SNTG1: variants seen among roughly 807,000 people sequenced by gnomAD.
SNTG1 encodes syntrophin gamma 1.
In SNTG1, 39 loss-of-function variants were observed where a neutral mutation model predicts 74.7. That is an observed-to-expected ratio of 0.52 (90% CI 0.40 to 0.68). The LOEUF is 0.68. SNTG1 is among the 30% of genes least tolerant of loss of function. The probability of loss-of-function intolerance (pLI) is 0.00; values close to 1 mark genes in which losing one functional copy is unlikely to be tolerated. For synonymous variants in SNTG1, 254 were observed against 217.1 expected, an observed-to-expected ratio of 1.17 and a Z score of -1.49; for missense variants, 685 against 609.5, an observed-to-expected ratio of 1.12 and a Z score of -1.30.
intron 2 of SNTG1, among the ~76,000 whole-genome samples, chr8:50,211,838 C>T (rs114688783): frequency 0.017 from 2,572 of 152,176 alleles, 65 homozygotes; most frequent in African/African-American, 0.052. Flanking sequence ...AAGTTATTTT[C>T]CTGTTATTCT....
At chr8:50,099,058 A>G (rs892082209) in intron 1 of SNTG1, among the ~76,000 whole-genome samples, 1 of 152,088 alleles carries the variant, frequency 6.6e-6, no homozygotes, top group African/African-American at 2.4e-5. Context: ...AAAACTATTT[A>G]AAAGCACCTC....
intron 2 of SNTG1, among the ~76,000 whole-genome samples, chr8:50,316,149 CA>C (rs1287747656): frequency 1.3e-5 from 2 of 151,992 alleles, no homozygotes; most frequent in Non-Finnish European, 2.9e-5. Flanking sequence ...GTGATCAATT[CA>C]AAACATTTAA....
intron 2 of SNTG1, among the ~76,000 whole-genome samples, chr8:50,198,309 G>A (rs1049462941): frequency 6.6e-6 from 1 of 152,204 alleles, no homozygotes; most frequent in African/African-American, 2.4e-5. Flanking sequence ...GCCCTTTGGC[G>A]ACTTGTCCTG....
At chr8:49,992,139 T>G (rs1019606349) in intron 1 of SNTG1, among the ~76,000 whole-genome samples, 2 of 152,218 alleles carry the variant, frequency 1.3e-5, no homozygotes, top group South Asian at 2.1e-4. Context: ...TTTGGAGCTA[T>G]GTAACATAGA....
At chr8:50,465,668 T>C (rs968597324) in intron 8 of SNTG1, among the ~76,000 whole-genome samples, 57 of 152,202 alleles carry the variant, frequency 3.7e-4, no homozygotes, top group African/African-American at 1.3e-3. Flanking sequence ...TAGTTTTTCC[T>C]TTAACAGAAT....
chr8:50,686,861 C>T (rs1185293492), intron 15 of SNTG1, among the ~76,000 whole-genome samples: 4 of 152,162 alleles, frequency 2.6e-5, no homozygotes, highest in South Asian at 2.1e-4. Flanking sequence ...AAGGGCCGGG[C>T]GCGGTGGCTC....
At chr8:50,140,629 G>A (rs1258326651) in intron 1 of SNTG1, among the ~76,000 whole-genome samples, 1 of 152,072 alleles carries the variant, frequency 6.6e-6, no homozygotes, top group Non-Finnish European at 1.5e-5. Context: ...GGGTGTGAGT[G>A]TGTTTTTGAG....
intron 15 of SNTG1, among the ~76,000 whole-genome samples, chr8:50,701,781 C>CTTT (rs1563761925): frequency 1.8e-4 from 26 of 144,152 alleles, no homozygotes; most frequent in African/African-American, 6.3e-4. Context: ...TCTTTCTCTT[C>CTTT]CTCTTCCTCC....
intron 8 of SNTG1, among the ~76,000 whole-genome samples, chr8:50,501,816 C>A (rs1167232790): frequency 6.6e-6 from 1 of 151,904 alleles, no homozygotes; most frequent in African/African-American, 2.4e-5. Flanking sequence ...GTAGCCAATT[C>A]TTTAATTGCG....
intron 17 of SNTG1, among the ~76,000 whole-genome samples, chr8:50,717,474 C>A (rs1192446009): frequency 6.6e-6 from 1 of 152,158 alleles, no homozygotes; most frequent in Non-Finnish European, 1.5e-5. Context: ...AATGAGATAG[C>A]ATGTTAAAAA....
intron 15 of SNTG1, among the ~76,000 whole-genome samples, chr8:50,684,740 C>CTTTTTTTTTTTTTTTCT (rs71235319): frequency 7.4e-6 from 1 of 135,130 alleles, no homozygotes; most frequent in Non-Finnish European, 1.6e-5. Flanking sequence ...TTTTTTTTTT[C>CTTTTTTTTTTTTTTTCT]TTTTTTTTTA....
intron 1 of SNTG1, among the ~76,000 whole-genome samples, chr8:50,137,993 TG>T: frequency 6.6e-6 from 1 of 152,180 alleles, no homozygotes; most frequent in Non-Finnish European, 1.5e-5. Context: ...CCATTAATTA[TG>T]GGATCAAGCC....
chr8:50,502,938 T>TGTCAAAATAATA, intron 9 of SNTG1, 58 bp downstream of exon 9: 3 of 1,356,222 alleles, frequency 2.2e-6, no homozygotes, highest in African/African-American at 1.5e-5. Context: ...ACATAATTAT[T>TGTCAAAATAATA]ATTTTGACAA....
intron 12 of SNTG1, among the ~76,000 whole-genome samples, chr8:50,568,036 C>T (rs1330820588): frequency 2.6e-5 from 4 of 152,040 alleles, no homozygotes; most frequent in African/African-American, 4.8e-5. Flanking sequence ...TAACCAATAA[C>T]CAATATTCTA....
intron 1 of SNTG1, among the ~76,000 whole-genome samples, chr8:50,124,903 T>A (rs77716212): frequency 0.013 from 1,863 of 142,034 alleles, 228 homozygotes; most frequent in African/African-American, 0.041. Context: ...GGTTTGTAAC[T>A]GGATTACAAA....
At chr8:50,069,081 C>A (rs1348534366) in intron 1 of SNTG1, among the ~76,000 whole-genome samples, 2 of 152,162 alleles carry the variant, frequency 1.3e-5, no homozygotes, top group East Asian at 3.9e-4. Flanking sequence ...AAACTTGTAT[C>A]CAGTACCTTC....
In SNTG1 at chr8:50,691,136, G is replaced by A. The variant is rs558692658; in HGVS notation, c.1039-13464G>A. Reference sequence around the variant, plus strand: ...CTCCATCCCTTTATTTTGAGCCTATGTGTGTCTCTGCACGTGAGATGGGTT... The same window carrying A: ...CTCCATCCCTTTATTTTGAGCCTATATGTGTCTCTGCACGTGAGATGGGTT... On this transcript the variant is annotated intron_variant, in intron 15 of 18. Coordinates refer to ENST00000642720, the MANE Select transcript of SNTG1 (RefSeq NM_018967.5). Among the ~76,000 whole-genome samples the A allele has an allele frequency of 1.3e-3, 197 of 152,192 alleles. 5 individuals are homozygous for A. In the South Asian group the frequency reaches 0.039, roughly 30 times the overall value.
intron 1 of SNTG1, among the ~76,000 whole-genome samples, chr8:50,075,151 C>A (rs549987078): frequency 1.1e-4 from 16 of 152,312 alleles, no homozygotes; most frequent in African/African-American, 3.4e-4. Flanking sequence ...TCCGCCTCCC[C>A]CCTGTGGGCT....
rs1563817625 is a variant in SNTG1 at position 50,763,897 on chromosome 8, AC to A, written c.1395+11787del. Among the ~76,000 whole-genome samples the A allele has an allele frequency of 4.3e-5, 5 of 117,052 alleles. No homozygotes were observed. The East Asian group carries it at 9.7e-4, about 23-fold the overall frequency. The allele number at this position is 117,052 out of a possible 152,430, so 76.8% of individuals were successfully genotyped here. A position where few individuals can be genotyped will look rare whatever the true frequency, so the allele number is the denominator to read the frequency against. On this transcript the variant is annotated intron_variant, in intron 18 of 18. Coordinates refer to ENST00000642720, the MANE Select transcript of SNTG1 (RefSeq NM_018967.5). ...CACACACACACACACACACACACACACACACACACAAAAATAACCAAGGCAA... is the reference window on the plus strand; with the variant it reads ...CACACACACACACACACACACACACAACACACACAAAAATAACCAAGGCAA...
Sources: gnomAD v4.1 joint callset for allele counts (sites outside exome capture counted in the v4.1 genomes callset) on GRCh38, gnomAD v4.1.1 for gene constraint, MANE v1.5 for transcripts, NCBI Gene and HGNC (gene_info 2026-07-23, HGNC 2026-07-21) for gene names.